The following GRIK3 variants were observed in gnomAD, a reference collection of about 807,000 sequenced individuals.
GRIK3 encodes glutamate receptor ionotropic, kainate 3.
Under a neutral mutation model 102.5 loss-of-function variants are expected in GRIK3, and 29 were observed. That is an observed-to-expected ratio of 0.28 (90% CI 0.21 to 0.39). GRIK3 has a LOEUF of 0.39. Ranked by LOEUF, GRIK3 falls within the 10% of genes least tolerant of loss-of-function variation. The pLI is 1.00. For missense variants in GRIK3, 908 were observed against 1,252.4 expected, an observed-to-expected ratio of 0.73 and a Z score of 4.15; for synonymous variants, 511 against 504.9, an observed-to-expected ratio of 1.01 and a Z score of -0.16.
At chr1:36,902,971 G>T (rs1394818212) in intron 1 of GRIK3, among the ~76,000 whole-genome samples, 1 of 152,010 alleles carries the variant, frequency 6.6e-6, no homozygotes, top group African/African-American at 2.4e-5. Flanking sequence ...TGTATTTTTA[G>T]TAGAGACAGG....
At chr1:36,891,971 A>G (rs1641121594) in intron 1 of GRIK3, among the ~76,000 whole-genome samples, 1 of 152,190 alleles carries the variant, frequency 6.6e-6, no homozygotes, top group Admixed American at 6.5e-5. Context: ...ACATTAAATA[A>G]CTAATAATAA....
rs563839142 is a variant in GRIK3 at position 36,935,910 on chromosome 1, C to A, written c.116-44814G>T. Among the ~76,000 whole-genome samples the A allele has an allele frequency of 1.9e-4, 29 of 152,328 alleles. No homozygotes were observed. In the East Asian group the frequency reaches 4.8e-3, roughly 25 times the overall value. On this transcript the variant is annotated intron_variant, in intron 1 of 15. Coordinates refer to ENST00000373091, the MANE Select transcript of GRIK3 (RefSeq NM_000831.4). ...TGCGCTTGAAGACTTGCCGCCCCGA[C>A]TCCCTCAGATTGCTTTCTGAAATTT...
At position 36,825,923 on chromosome 1, in the gene GRIK3, C is replaced by T. The variant is rs548232365; in HGVS notation, c.1531-97G>A. 2.4e-5 allele frequency: 20 copies of T among 844,200 alleles called. No individual in the cohort carries two copies. The South Asian group carries it at 3.5e-4, about 15-fold the overall frequency. The allele number at this position is 844,200 out of a possible 1,614,324, so 52.3% of individuals were successfully genotyped here. Reference sequence around the variant, plus strand: ...GCTGGAGGAGAGATGAGGGTGAAGTCAGTTGTCCCAGCCCCAGGTCACTAA... The same window carrying T: ...GCTGGAGGAGAGATGAGGGTGAAGTTAGTTGTCCCAGCCCCAGGTCACTAA... On this transcript the variant is annotated intron_variant, in intron 10 of 15. Transcript: ENST00000373091.
intron 2 of GRIK3, among the ~76,000 whole-genome samples, chr1:36,881,625 A>G (rs1349100886): frequency 1.3e-5 from 2 of 152,090 alleles, no homozygotes; most frequent in Non-Finnish European, 2.9e-5. Flanking sequence ...CCAAGCCGCC[A>G]TCATCTTTGG....
At chr1:36,851,354 G>C (rs1320048585) in intron 8 of GRIK3, among the ~76,000 whole-genome samples, 2 of 152,274 alleles carry the variant, frequency 1.3e-5, no homozygotes, top group Non-Finnish European at 2.9e-5. Context: ...ATGAGAGGCA[G>C]AGTAGCTGTG....
chr1:37,033,683 G>GT (rs139054815), intron 1 of GRIK3, among the ~76,000 whole-genome samples: 3,157 of 152,338 alleles, frequency 0.021, 92 homozygotes, highest in African/African-American at 0.063. Flanking sequence ...CATGCTGGCA[G>GT]TCACCGCGAA....
chr1:36,825,522 C>T (rs1364858235), intron 11 of GRIK3, 81 bp downstream of exon 11: 1 of 880,214 alleles, frequency 1.1e-6, no homozygotes, highest in African/African-American at 1.7e-5. Flanking sequence ...CTTTCTGTGC[C>T]AGGGGCTGAG....
At chr1:36,897,274 A>C (rs1641182314) in intron 1 of GRIK3, among the ~76,000 whole-genome samples, 1 of 152,222 alleles carries the variant, frequency 6.6e-6, no homozygotes, top group Non-Finnish European at 1.5e-5. Context: ...AATCAGTTAG[A>C]GCTAATAAAA....
chr1:36,811,759 C>A (rs879331695), intron 13 of GRIK3, among the ~76,000 whole-genome samples: 1 of 152,154 alleles, frequency 6.6e-6, no homozygotes, highest in Non-Finnish European at 1.5e-5. Context: ...GAAGAGAAAG[C>A]CTTTGACCTA....
intron 10 of GRIK3, among the ~76,000 whole-genome samples, chr1:36,827,853 C>T (rs1401710152): frequency 6.6e-6 from 1 of 152,112 alleles, no homozygotes; most frequent in Non-Finnish European, 1.5e-5. Flanking sequence ...AGGCAGCCCC[C>T]ACACCCCATC....
chr1:37,016,784 G>C (rs1642656329), intron 1 of GRIK3, among the ~76,000 whole-genome samples: 1 of 152,090 alleles, frequency 6.6e-6, no homozygotes, highest in African/African-American at 2.4e-5. Flanking sequence ...TTGAATGTTG[G>C]CTGATTCAAC....
At chr1:36,933,880 C>T (rs1342053950) in intron 1 of GRIK3, among the ~76,000 whole-genome samples, 1 of 152,132 alleles carries the variant, frequency 6.6e-6, no homozygotes, top group Non-Finnish European at 1.5e-5. Flanking sequence ...TTCTGCTTTT[C>T]CCCAGAGGAA....
intron 1 of GRIK3, among the ~76,000 whole-genome samples, chr1:36,962,319 G>A (rs781681220): frequency 2.0e-5 from 3 of 152,064 alleles, no homozygotes; most frequent in Non-Finnish European, 1.5e-5. Flanking sequence ...CTCACTGAAT[G>A]CATGTTCGGT....
intron 1 of GRIK3, among the ~76,000 whole-genome samples, chr1:36,989,218 C>A (rs1642338908): frequency 1.3e-5 from 2 of 152,178 alleles, no homozygotes; most frequent in Admixed American, 1.3e-4. Context: ...ATGCACATAA[C>A]TGAAGAGGTT....
intron 1 of GRIK3, among the ~76,000 whole-genome samples, chr1:36,989,271 C>T (rs1029753052): frequency 6.6e-6 from 1 of 152,166 alleles, no homozygotes; most frequent in Non-Finnish European, 1.5e-5. Flanking sequence ...AGAAATATTC[C>T]AGCACGTAAA....
At chr1:36,978,271 G>A (rs1642214568) in intron 1 of GRIK3, among the ~76,000 whole-genome samples, 1 of 152,228 alleles carries the variant, frequency 6.6e-6, no homozygotes, top group South Asian at 2.1e-4. Flanking sequence ...AGGAAGTGCA[G>A]CTGCCTGGCA....
At chr1:37,016,325 T>C (rs570604545) in intron 1 of GRIK3, among the ~76,000 whole-genome samples, 1 of 152,360 alleles carries the variant, frequency 6.6e-6, no homozygotes, top group South Asian at 2.1e-4. Flanking sequence ...CTTCACCTCA[T>C]TAAGGCTCAG....
intron 2 of GRIK3, among the ~76,000 whole-genome samples, chr1:36,884,827 G>A (rs1641020005): frequency 6.6e-6 from 1 of 152,116 alleles, no homozygotes; most frequent in African/African-American, 2.4e-5. Context: ...TTCATTGATT[G>A]ATGCCTTGAA....
chr1:36,816,345 A>C (rs1348708281), intron 13 of GRIK3, among the ~76,000 whole-genome samples: 1 of 152,188 alleles, frequency 6.6e-6, no homozygotes, highest in Non-Finnish European at 1.5e-5. Flanking sequence ...TACTGCTATT[A>C]CTACTTTAAT....
Sources: gnomAD v4.1 joint callset for allele counts (sites outside exome capture counted in the v4.1 genomes callset) on GRCh38, gnomAD v4.1.1 for gene constraint, MANE v1.5 for transcripts, NCBI Gene and HGNC (gene_info 2026-07-23, HGNC 2026-07-21) for gene names.